Variants in MICU1 observed in about 807,000 individuals in gnomAD.
MICU1 encodes the protein calcium uptake protein 1, mitochondrial.
In MICU1, 45 loss-of-function variants were observed where a neutral mutation model predicts 56.8. The observed-to-expected ratio is 0.79, with a 90% CI of 0.62 to 1.02. The LOEUF is 1.02. MICU1 is among the 50% of genes least tolerant of loss of function. The pLI is 0.00. For synonymous variants in MICU1, 186 were observed against 195.1 expected (o/e 0.95, Z 0.39); for missense variants, 504 against 587.1 (o/e 0.86, Z 1.46).
At chr10:72,575,273 G>A (rs1376734125) in intron 1 of MICU1, among the ~76,000 whole-genome samples, 2 of 151,974 alleles carry the variant, frequency 1.3e-5, no homozygotes, top group African/African-American at 4.8e-5. Context: ...TATTTTGTTT[G>A]GATCTAACAA....
At chr10:72,512,717 T>TGTTTTGTTTC (rs893439152) in intron 5 of MICU1, among the ~76,000 whole-genome samples, 1 of 151,736 alleles carries the variant, frequency 6.6e-6, no homozygotes, top group Non-Finnish European at 1.5e-5. Flanking sequence ...TGTTTTGTTT[T>TGTTTTGTTTC]GAGACAGTGT....
chr10:72,602,407 T>C (rs1249945893), intron 1 of MICU1, among the ~76,000 whole-genome samples: 4 of 151,582 alleles, frequency 2.6e-5, no homozygotes, highest in African/African-American at 9.7e-5. Context: ...GACAACATCA[T>C]ACCACTGTAC....
chr10:72,372,511 A>C (rs1447049138), intron 11 of MICU1, among the ~76,000 whole-genome samples: 1 of 152,076 alleles, frequency 6.6e-6, no homozygotes, highest in Non-Finnish European at 1.5e-5. Context: ...AAGAGAACAG[A>C]AAGTTCTAAA....
At chr10:72,612,011 C>CAAAAAAAA (rs55767300) in intron 1 of MICU1, among the ~76,000 whole-genome samples, 1 of 119,938 alleles carries the variant, frequency 8.3e-6, no homozygotes. Flanking sequence ...ACCAACCAAC[C>CAAAAAAAA]AAAAAAAAAA....
rs182146795 is a variant in MICU1, at chr10:72,595,183, G to A, written c.-1-28389C>T. On this transcript the variant is annotated intron_variant, in intron 1 of 11. Coordinates refer to ENST00000361114, the MANE Select transcript of MICU1 (RefSeq NM_001195518.2). ...ACCATATATCAGGCTGGGCGCGGTG[G>A]CTCACATCTGTAATCTTAGCACTTC... 3.5e-3 allele frequency among the ~76,000 whole-genome samples: 532 copies of A among 151,896 alleles called. 1 individual carries two copies. The highest frequency in any genetic ancestry group is 5.5e-3 in the Non-Finnish European group (372 of 67,944).
chr10:72,605,985 G>T (rs1841677415), intron 1 of MICU1, among the ~76,000 whole-genome samples: 1 of 151,648 alleles, frequency 6.6e-6, no homozygotes, highest in Non-Finnish European at 1.5e-5. Context: ...AAAAAAATTG[G>T]CTGGGCGTGG....
chr10:72,399,711 C>A (rs552938177), intron 10 of MICU1, among the ~76,000 whole-genome samples: 1 of 152,126 alleles, frequency 6.6e-6, no homozygotes, highest in East Asian at 1.9e-4. Flanking sequence ...GCCTGTAATC[C>A]CAGCACTTTG....
intron 8 of MICU1, among the ~76,000 whole-genome samples, chr10:72,452,740 T>C (rs547563025): frequency 1.3e-5 from 2 of 152,298 alleles, no homozygotes; most frequent in South Asian, 2.1e-4. Context: ...TCAGAATGTA[T>C]CCCCATCGCT....
intron 8 of MICU1, among the ~76,000 whole-genome samples, chr10:72,447,087 G>T (rs774774902): frequency 6.6e-5 from 10 of 152,186 alleles, no homozygotes; most frequent in Non-Finnish European, 1.5e-4. Context: ...CTGGAACTAT[G>T]CTTAGAGCAT....
Position 72,407,588 on chromosome 10 carries a change from A to G in MICU1, c.1180+341T>C, listed in dbSNP as rs1863670560. On this transcript the variant is annotated intron_variant, in intron 10 of 11. Transcript: ENST00000361114. ...TCATCAAAGACGCAACTTAAGTTGT[A>G]TAGTGACTTTAGCTTCACATTGTAT... is the stretch of plus-strand genomic sequence containing the variant. Among the ~76,000 whole-genome samples the G allele has an allele frequency of 3.3e-5, 5 of 152,350 alleles. No homozygotes were observed. In the South Asian group the frequency reaches 1.0e-3, roughly 32 times the overall value.
chr10:72,540,264 T>C (rs1839737725), intron 4 of MICU1, among the ~76,000 whole-genome samples: 1 of 72,374 alleles, frequency 1.4e-5, no homozygotes, highest in Non-Finnish European at 2.7e-5. Flanking sequence ...TGAAACTCCA[T>C]CTCAAAAAAA....
chr10:72,435,600 G>T (rs1479352394), intron 8 of MICU1, among the ~76,000 whole-genome samples: 1 of 152,120 alleles, frequency 6.6e-6, no homozygotes, highest in Non-Finnish European at 1.5e-5. Flanking sequence ...CACCTCACCT[G>T]GGAAGTGCAA....
chr10:72,565,277 G>A (rs1295378298), intron 2 of MICU1, among the ~76,000 whole-genome samples: 1 of 151,872 alleles, frequency 6.6e-6, no homozygotes, highest in Non-Finnish European at 1.5e-5. Context: ...AAGAAAATGT[G>A]GCACATATAC....
chr10:72,476,877 T>C (rs1866141339), intron 7 of MICU1, among the ~76,000 whole-genome samples: 1 of 152,234 alleles, frequency 6.6e-6, no homozygotes, highest in Admixed American at 6.5e-5. Context: ...TTGGTAAATG[T>C]TGAATTGCCA....
intron 8 of MICU1, among the ~76,000 whole-genome samples, chr10:72,426,960 AT>A: frequency 6.6e-6 from 1 of 152,328 alleles, no homozygotes; most frequent in South Asian, 2.1e-4. Context: ...AGAAATTCAA[AT>A]TACAGGCTTA....
At chr10:72,547,533 G>GTATATATATA (rs5786084) in intron 4 of MICU1, among the ~76,000 whole-genome samples, 7 of 146,188 alleles carry the variant, frequency 4.8e-5, no homozygotes, top group South Asian at 2.1e-4. Context: ...ATACACATAT[G>GTATATATATA]TATATATATA....
At position 72,552,182 on chromosome 10, in the gene MICU1, G is replaced by A. The variant is rs79960555; in HGVS notation, c.331-841C>T. 3.4e-4 allele frequency among the ~76,000 whole-genome samples: 51 copies of A among 152,208 alleles called. No individual in the cohort carries two copies. The East Asian group carries it at 9.2e-3, about 28-fold the overall frequency. ...AAACAAACTGCTAGAGATCCTTTAC[G>A]TATGGCATATTTAGAAAGCAAAGTT... On this transcript the variant is annotated intron_variant, in intron 3 of 11. Transcript: ENST00000361114.
chr10:72,418,589 T>G (rs1198684455), intron 9 of MICU1, among the ~76,000 whole-genome samples: 1 of 152,188 alleles, frequency 6.6e-6, no homozygotes, highest in Non-Finnish European at 1.5e-5. Flanking sequence ...CTGTGAAACA[T>G]TGCATGGTCA....
intron 8 of MICU1, among the ~76,000 whole-genome samples, chr10:72,452,586 A>T (rs1865332647): frequency 6.6e-6 from 1 of 152,192 alleles, no homozygotes; most frequent in African/African-American, 2.4e-5. Flanking sequence ...ACAATTACCT[A>T]CCATTATGTT....
Sources: gnomAD v4.1 joint callset for allele counts (sites outside exome capture counted in the v4.1 genomes callset) on GRCh38, gnomAD v4.1.1 for gene constraint, MANE v1.5 for transcripts, NCBI Gene and HGNC (gene_info 2026-07-23, HGNC 2026-07-21) for gene names.